Variants in ALS2CL observed in about 807,000 individuals in gnomAD.
ALS2CL encodes ALS2 C-terminal like.
A neutral mutation model predicts 127.9 loss-of-function variants in ALS2CL; 112 were observed. The observed-to-expected ratio is 0.88, with a 90% CI of 0.75 to 1.02. ALS2CL has a LOEUF of 1.02. Ranked by LOEUF, ALS2CL falls within the 50% of genes least tolerant of loss-of-function variation. ALS2CL has a pLI of 0.00. For synonymous variants in ALS2CL, 519 were observed against 527.6 expected (o/e 0.98, Z 0.22); for missense variants, 1,174 against 1,236.7 (o/e 0.95, Z 0.76).
Position 46,681,172 on chromosome 3 carries a change from G to A in ALS2CL, c.1436+74C>T. 6.3e-7 allele frequency: 1 copy of A among 1,599,254 alleles called. No individual in the cohort carries two copies. The highest frequency in any genetic ancestry group is 8.6e-7 in the Non-Finnish European group (1 of 1,167,564). ...CAGTGGGGGACAAACAGGAGCCTGT[G>A]TCCTGCAACAATCTGGTCTGTGAGG... On this transcript the variant is annotated intron_variant, in intron 13 of 25. Coordinates refer to ENST00000318962, the MANE Select transcript of ALS2CL (RefSeq NM_147129.5). This position sits in a 1 kb window ranked among gnomAD's most constrained non-coding sequence, Gnocchi z 4.9.
intron 16 of ALS2CL, 164 bp from the exon 17 acceptor site, chr3:46,677,186 G>C: frequency 7.0e-7 from 1 of 1,428,452 alleles, no homozygotes; most frequent in Non-Finnish European, 9.1e-7. Flanking sequence ...TGACCTCCAC[G>C]GCTCCAGGAG....
chr3:46,685,710 G>A, intron 6 of ALS2CL, 66 bp from the exon 7 acceptor site: 2 of 1,554,942 alleles, frequency 1.3e-6, no homozygotes, highest in Non-Finnish European at 1.7e-6. Flanking sequence ...CTGCCACTCT[G>A]CCACCTCCCA....
rs933425213 is a variant in ALS2CL at position 46,686,217 on chromosome 3, C to A, written c.666+91G>T. 3.8e-5 allele frequency: 55 copies of A among 1,455,484 alleles called. No individual in the cohort carries two copies. The highest frequency in any genetic ancestry group is 4.5e-5 in the Non-Finnish European group (50 of 1,099,932). The allele number at this position is 1,455,484 out of a possible 1,614,324, so 90.2% of individuals were successfully genotyped here. The stretch of plus-strand genomic sequence containing the variant: ...CCTTCCATATAGGGAAACTGAGGCC[C>A]AGAGAATACAGCAAGCAGCTCAAGC... On this transcript the variant is annotated intron_variant, in intron 6 of 25. Coordinates refer to ENST00000318962, the MANE Select transcript of ALS2CL (RefSeq NM_147129.5). This position sits in a 1 kb window ranked among gnomAD's most constrained non-coding sequence, Gnocchi z 4.3.
In ALS2CL at chr3:46,686,918, CT is replaced by C. The variant is rs375778992; in HGVS notation, c.534+64del. On this transcript the variant is annotated intron_variant, in intron 5 of 25. Coordinates refer to ENST00000318962, the MANE Select transcript of ALS2CL (RefSeq NM_147129.5). This position sits in a 1 kb window ranked among gnomAD's most constrained non-coding sequence, Gnocchi z 4.3. ...GGTTCCTGAGTATAGGCTGAGCCCC[CT>C]GAGTCTGGGCCCTATCCCTCCCTTC... 272 of 1,461,790 alleles carry C rather than the reference CT, an allele frequency of 1.9e-4. 1 individual carries two copies. The African/African-American group carries it at 3.5e-3, about 19-fold the overall frequency. The allele number at this position is 1,461,790 out of a possible 1,614,324, so 90.6% of individuals were successfully genotyped here.
rs1366044522 is a variant in ALS2CL, at chr3:46,688,251, A to C, written c.149T>G (p.Leu50Trp). The change falls in exon 3 of 26, where the codon TTG (leucine) becomes TGG (tryptophan). Residue 50 changes from leucine to tryptophan, a missense_variant. By Grantham distance (61) the Leu-to-Trp change is moderately conservative. Transcript: ENST00000318962. ...CTGGGAGCTCTTGTGCAGCTGTTGC[A>C]AGAGCCGCAGGCACTCTCTGCCCCA... is the stretch of plus-strand genomic sequence containing the variant. ...DPWGRECLRL[L>W]QQLHKSSQQL... The C allele has an allele frequency of 6.2e-7, 1 of 1,612,922 alleles. No individual in the cohort carries two copies. Among genetic ancestry groups the C allele is most frequent in the African/African-American group, 1.3e-5 (1 of 75,016 alleles).
At position 46,670,955 on chromosome 3, in the gene ALS2CL, G is replaced by T; in HGVS notation, c.*29C>A. 6.2e-7 allele frequency: 1 copy of T among 1,601,340 alleles called. No individual in the cohort carries two copies. Among genetic ancestry groups the T allele is most frequent in the Non-Finnish European group, 8.6e-7 (1 of 1,168,476 alleles). The stretch of plus-strand genomic sequence containing the variant: ...GGACAGGCTGGCAGTGCCCTGCTCA[G>T]CTCTTCAGTCTGTCCAGGAAAGGCC... On this transcript the variant is annotated 3_prime_UTR_variant, in exon 26 of 26. Transcript: ENST00000318962. This position sits in a 1 kb window ranked among gnomAD's most constrained non-coding sequence, Gnocchi z 5.5.
intron 10 of ALS2CL, among the ~76,000 whole-genome samples, chr3:46,682,670 C>T (rs545691496): frequency 2.0e-5 from 3 of 152,202 alleles, no homozygotes; most frequent in Non-Finnish European, 2.9e-5. Flanking sequence ...CCGGCTCACC[C>T]TATCACTTGC....
chr3:46,684,347 T>C (rs1156964496), intron 7 of ALS2CL, among the ~76,000 whole-genome samples: 1 of 152,122 alleles, frequency 6.6e-6, no homozygotes, highest in Non-Finnish European at 1.5e-5. Context: ...AACCTCTCTA[T>C]GGCTCCTACT....
At position 46,688,924 on chromosome 3, in the gene ALS2CL, G is replaced by A. The variant is rs975352702; in HGVS notation, c.103+414C>T. ...TAGGTTCATGGCCTGGCCCCTCAGC[G>A]TTCCTTTAAAAAAGGAGCAGTCAGA... On this transcript the variant is annotated intron_variant, in intron 2 of 25. Coordinates refer to ENST00000318962, the MANE Select transcript of ALS2CL (RefSeq NM_147129.5). 3.9e-5 allele frequency among the ~76,000 whole-genome samples: 6 copies of A among 152,190 alleles called. No homozygotes were observed. The East Asian group carries it at 1.2e-3, about 29-fold the overall frequency.
Position 46,670,843 on chromosome 3 carries a change from C to A in ALS2CL, c.*141G>T. The A allele has an allele frequency of 1.2e-6, 1 of 842,394 alleles. No individual in the cohort carries two copies. The highest frequency in any genetic ancestry group is 1.9e-6 in the Non-Finnish European group (1 of 521,700). 52.2% of individuals were successfully genotyped at this position (842,394 alleles called of 1,614,324 possible). A position where few individuals can be genotyped will look rare whatever the true frequency, so the allele number is the denominator to read the frequency against. ...ACCCTCATCCCAGTCAGGGCAGCAG[C>A]AGCATCTTCCTGTGCAAAACAAAAT... On this transcript the variant is annotated 3_prime_UTR_variant, in exon 26 of 26. Transcript: ENST00000318962. The surrounding 1 kb of genome is among the most constrained non-coding windows in gnomAD (Gnocchi z 5.5).
At chr3:46,684,751 G>A (rs896578021) in intron 7 of ALS2CL, among the ~76,000 whole-genome samples, 1 of 152,230 alleles carries the variant, frequency 6.6e-6, no homozygotes, top group African/African-American at 2.4e-5. Flanking sequence ...ACAGGGAAGG[G>A]ACAGTAGCTC....
chr3:46,674,614 A>G lies in ALS2CL; in HGVS notation c.2381T>C (p.Leu794Ser). The G allele has an allele frequency of 1.9e-6, 3 of 1,614,090 alleles. No homozygotes were observed. Among genetic ancestry groups the G allele is most frequent in the Non-Finnish European group, 2.5e-6 (3 of 1,179,992 alleles). The change falls in exon 21 of 26, where the codon TTG (leucine) becomes TCG (serine). Residue 794 changes from leucine to serine, a missense_variant. By Grantham distance (145) the Leu-to-Ser change is moderately radical. Transcript: ENST00000318962. ...CAGTTGGGTATCAGGAAAGAGGCTC[A>G]AGTTGGCAATGCCCTGGCTGTAGAA... ...DSFYSQGIANLSLFPDTQLLE... is the reference protein window; with the variant it reads ...DSFYSQGIANSSLFPDTQLLE...
rs1699578218 is a variant in ALS2CL, at chr3:46,684,021, C to T, written c.813G>A (p.Leu271=). Residue 271 remains leucine, a synonymous_variant, in exon 8 of 26, where the codon CTG becomes CTA. Transcript: ENST00000318962. The stretch of plus-strand genomic sequence containing the variant: ...GCCCAGGATCCACCCACACCAGCTT[C>T]AGATCAAAGGTGTGGACATTGTGGC... ...LQGHNVHTFD[L]KLVWVDPGQD... 1 of 1,568,028 alleles carries T rather than the reference C, an allele frequency of 6.4e-7. No individual in the cohort carries two copies. The highest frequency in any genetic ancestry group is 1.9e-5 in the Admixed American group (1 of 52,714).
chr3:46,680,269 G>C, intron 14 of ALS2CL, 161 bp downstream of exon 14: 1 of 695,612 alleles, frequency 1.4e-6, no homozygotes, highest in South Asian at 1.8e-5. Context: ...CAGGGGAGGT[G>C]GGTGGTAGAG....
At chr3:46,680,698 C>G in intron 13 of ALS2CL, 157 bp from the exon 14 acceptor site, 1 of 644,480 alleles carries the variant, frequency 1.6e-6, no homozygotes, top group East Asian at 2.8e-5. Flanking sequence ...TCAGGACCCC[C>G]AAGAGGAATA....
chr3:46,678,010 A>AC (rs1163371118), intron 16 of ALS2CL, among the ~76,000 whole-genome samples: 1 of 151,730 alleles, frequency 6.6e-6, no homozygotes, highest in Non-Finnish European at 1.5e-5. Context: ...CAAAAAAAAA[A>AC]AAAAAGCAGG....
rs757629868 is a variant in ALS2CL at position 46,675,634 on chromosome 3, C to T, written c.2239G>A (p.Glu747Lys). ...ERKGQALEED[E>K]DTETRDLQVH... is the part of the protein sequence containing the mutation. ...GCCAGTCACCTTGTCTCTGTGTCTTCATCCTCCTCCAGGGCCTGGCCCTTG... is the reference window on the plus strand; with the variant it reads ...GCCAGTCACCTTGTCTCTGTGTCTTTATCCTCCTCCAGGGCCTGGCCCTTG... Residue 747 changes from glutamate to lysine, a missense_variant, in exon 20 of 26, where the codon GAA (glutamate) becomes AAA (lysine). Coordinates refer to ENST00000318962, the MANE Select transcript of ALS2CL (RefSeq NM_147129.5). 1.9e-6 allele frequency: 3 copies of T among 1,613,738 alleles called. No individual in the cohort carries two copies. The highest frequency in any genetic ancestry group is 2.2e-5 in the South Asian group (2 of 91,082).
rs975799927 is a variant in ALS2CL at position 46,684,183 on chromosome 3, C to T, written c.787-136G>A. On this transcript the variant is annotated intron_variant, in intron 7 of 25. Transcript: ENST00000318962. ...GCCCAGCATGTCCAGGACTGAGTCC[C>T]TCTCCCCTCTGGCTTGCTCCCCACC... 5 of 1,025,002 alleles carry T rather than the reference C, an allele frequency of 4.9e-6. No individual in the cohort carries two copies. In the African/African-American group the frequency reaches 6.4e-5, roughly 13 times the overall value. 63.5% of individuals were successfully genotyped at this position (1,025,002 alleles called of 1,614,324 possible).
chr3:46,675,542 C>T, intron 20 of ALS2CL, 76 bp downstream of exon 20: 2 of 1,408,774 alleles, frequency 1.4e-6, no homozygotes, highest in South Asian at 2.3e-5. Flanking sequence ...ACCTCTTTCC[C>T]CAAGGGAGGT....
Sources: gnomAD v4.1 joint callset for allele counts (sites outside exome capture counted in the v4.1 genomes callset) on GRCh38, gnomAD v4.1.1 for gene constraint, Gnocchi (gnomAD v3.1) non-coding constraint, MANE v1.5 for transcripts, NCBI Gene and HGNC (gene_info 2026-07-23, HGNC 2026-07-21) for gene names.